Variants in PLCL1 observed in about 807,000 individuals in gnomAD.
The protein encoded by PLCL1 is phospholipase C like 1 (inactive), also known as inactive phospholipase C-like protein 1.
In PLCL1, 41 loss-of-function variants were observed where a neutral mutation model predicts 84.4. The observed-to-expected ratio is 0.49, with a 90% CI of 0.38 to 0.63. The LOEUF (loss-of-function observed/expected upper bound fraction) is 0.63. PLCL1 is among the 30% of genes least tolerant of loss of function. PLCL1 has a pLI of 0.00. For missense variants in PLCL1, 1,206 were observed against 1,367.8 expected (o/e 0.88, Z 1.87); for synonymous variants, 490 against 488.3 (o/e 1.00, Z -0.05).
intron 1 of PLCL1, among the ~76,000 whole-genome samples, chr2:197,830,713 A>C (rs905502951): frequency 1.3e-5 from 2 of 152,204 alleles, no homozygotes; most frequent in Non-Finnish European, 1.5e-5. Context: ...CCCAAGACAC[A>C]TAATCATCAG....
intron 1 of PLCL1, among the ~76,000 whole-genome samples, chr2:197,930,616 G>T (rs1419065367): frequency 6.6e-6 from 1 of 152,072 alleles, no homozygotes; most frequent in East Asian, 1.9e-4. Flanking sequence ...GAAAAATAAT[G>T]TATGTTCATA....
chr2:197,957,865 G>T (rs1689522787), intron 1 of PLCL1, among the ~76,000 whole-genome samples: 1 of 151,878 alleles, frequency 6.6e-6, no homozygotes, highest in East Asian at 1.9e-4. Context: ...TTTATCCTCA[G>T]TGATTTAATT....
At chr2:198,061,674 A>G (rs1482364506) in intron 1 of PLCL1, among the ~76,000 whole-genome samples, 2 of 152,108 alleles carry the variant, frequency 1.3e-5, no homozygotes, top group African/African-American at 4.8e-5. Context: ...ATCTCGGTTT[A>G]CTGCAACTTC....
At chr2:197,822,635 T>C (rs1690842043) in intron 1 of PLCL1, among the ~76,000 whole-genome samples, 1 of 152,160 alleles carries the variant, frequency 6.6e-6, no homozygotes, top group Non-Finnish European at 1.5e-5. Flanking sequence ...GATGAGGAAG[T>C]TGCAGCACAG....
chr2:198,050,531 T>TA lies in PLCL1; in HGVS notation c.241-33218dup, dbSNP rs11288289. ...ATCATTTTGGGAACCTTGAGATTGA[T>TA]AAAAAAAAATACACAACTTACTAGA... is the stretch of plus-strand genomic sequence containing the variant. On this transcript the variant is annotated intron_variant, in intron 1 of 5. Transcript: ENST00000428675. Among the ~76,000 whole-genome samples the TA allele has an allele frequency of 5.2e-4, 79 of 151,420 alleles. 1 individual carries two copies. The highest frequency in any genetic ancestry group is 1.6e-3 in the African/African-American group (66 of 41,222).
intron 1 of PLCL1, among the ~76,000 whole-genome samples, chr2:197,968,869 G>A (rs1689800667): frequency 1.3e-5 from 2 of 152,174 alleles, no homozygotes; most frequent in African/African-American, 2.4e-5. Flanking sequence ...TCTGATGGCT[G>A]GTTCAGAGAT....
intron 1 of PLCL1, among the ~76,000 whole-genome samples, chr2:197,855,654 C>A (rs1254820268): frequency 6.6e-6 from 1 of 152,104 alleles, no homozygotes; most frequent in Non-Finnish European, 1.5e-5. Flanking sequence ...GTTACTTACA[C>A]CTCTAGCTAA....
intron 1 of PLCL1, among the ~76,000 whole-genome samples, chr2:197,998,078 T>C (rs1353098113): frequency 6.6e-6 from 1 of 151,746 alleles, no homozygotes; most frequent in African/African-American, 2.4e-5. Flanking sequence ...GAGAGTGATA[T>C]GGAGCGAGAC....
chr2:198,147,233 T>TGTGTGG lies in PLCL1; in HGVS notation c.*272_*273insTGTGGG, dbSNP rs766027512. On this transcript the variant is annotated 3_prime_UTR_variant, in exon 6 of 6. Transcript: ENST00000428675. Reference sequence around the variant, plus strand: ...GTGTGTGTGTGTGTGTGTGTGTGTGTGGCAGAGAGAGAGAAAGAGAGAGAG... The same window carrying TGTGTGG: ...GTGTGTGTGTGTGTGTGTGTGTGTGTGTGTGGGGCAGAGAGAGAGAAAGAGAGAGAG... The TGTGTGG allele has an allele frequency of 1.1e-5, 3 of 273,072 alleles. No homozygotes were observed. The highest frequency in any genetic ancestry group is 2.2e-5 in the African/African-American group (1 of 45,302). 16.9% of individuals were successfully genotyped at this position (273,072 alleles called of 1,614,324 possible).
chr2:198,022,352 GCCCTCTCT>G (rs1175611673), intron 1 of PLCL1, among the ~76,000 whole-genome samples: 1 of 152,152 alleles, frequency 6.6e-6, no homozygotes, highest in African/African-American at 2.4e-5. Flanking sequence ...AGACAAGGAT[GCCCTCTCT>G]CACCACTCCT....
intron 1 of PLCL1, among the ~76,000 whole-genome samples, chr2:197,855,440 C>G (rs1038542631): frequency 6.6e-6 from 1 of 152,104 alleles, no homozygotes; most frequent in African/African-American, 2.4e-5. Flanking sequence ...TTTTGCTATG[C>G]CTTTGTCTGA....
At chr2:197,968,055 T>G (rs1689783633) in intron 1 of PLCL1, among the ~76,000 whole-genome samples, 1 of 152,258 alleles carries the variant, frequency 6.6e-6, no homozygotes, top group African/African-American at 2.4e-5. Flanking sequence ...CTTTCACTTA[T>G]TATTCTAGTG....
intron 1 of PLCL1, among the ~76,000 whole-genome samples, chr2:197,841,820 G>A (rs1377040025): frequency 2.0e-5 from 3 of 152,106 alleles, no homozygotes; most frequent in Admixed American, 6.6e-5. Flanking sequence ...AAATACTTGC[G>A]GATTTGAAGA....
chr2:197,878,170 C>T (rs1008655095), intron 1 of PLCL1, among the ~76,000 whole-genome samples: 4 of 152,080 alleles, frequency 2.6e-5, no homozygotes, highest in African/African-American at 9.7e-5. Context: ...ACTTTTATTT[C>T]CCTCTGTACT....
rs545154418 is a variant in PLCL1 at position 197,965,498 on chromosome 2, C to CA, written c.241-118254dup. On this transcript the variant is annotated intron_variant, in intron 1 of 5. Transcript: ENST00000428675. ...TTTTGTTGATTGTTTTTAATCTTTT[C>CA]AAAAAATCAGCTTTTAGTTTCATTG... 5.9e-5 allele frequency among the ~76,000 whole-genome samples: 9 copies of CA among 151,898 alleles called. No homozygotes were observed. In the East Asian group the frequency reaches 1.7e-3, roughly 29 times the overall value.
At chr2:197,832,090 A>G (rs1691079862) in intron 1 of PLCL1, among the ~76,000 whole-genome samples, 1 of 152,226 alleles carries the variant, frequency 6.6e-6, no homozygotes, top group South Asian at 2.1e-4. Context: ...ATCACGATTA[A>G]AAGAACTAGA....
chr2:198,090,582 T>C (rs1447659123), intron 3 of PLCL1, among the ~76,000 whole-genome samples: 1 of 152,186 alleles, frequency 6.6e-6, no homozygotes, highest in Non-Finnish European at 1.5e-5. Context: ...TGAATGACCA[T>C]ACCTGTTATA....
At chr2:197,812,360 T>A (rs7570508) in intron 1 of PLCL1, among the ~76,000 whole-genome samples, 3 of 152,210 alleles carry the variant, frequency 2.0e-5, no homozygotes, top group African/African-American at 7.2e-5. Flanking sequence ...TTAGTCTCTT[T>A]GATGAATCTC....
intron 1 of PLCL1, among the ~76,000 whole-genome samples, chr2:197,809,164 A>G (rs1690535729): frequency 1.3e-5 from 2 of 152,226 alleles, no homozygotes; most frequent in South Asian, 4.1e-4. Context: ...TGCAGTTCAC[A>G]TTAAGTGCCT....
Sources: allele counts gnomAD v4.1 joint callset (sites outside exome capture counted in the v4.1 genomes callset), GRCh38; gene constraint gnomAD v4.1.1; transcripts MANE v1.5; gene names NCBI Gene and HGNC (gene_info 2026-07-23, HGNC 2026-07-21).